Variants in LMBR1 observed in about 807,000 individuals in gnomAD.
The protein encoded by LMBR1 is limb development membrane protein 1, also known as limb region 1 protein homolog.
Under a neutral mutation model 73.9 loss-of-function variants are expected in LMBR1, and 52 were observed. The observed-to-expected ratio is 0.70, with a 90% CI of 0.56 to 0.89. The LOEUF (loss-of-function observed/expected upper bound fraction) is 0.89. Ranked by LOEUF, LMBR1 falls within the 40% of genes least tolerant of loss-of-function variation. LMBR1 has a pLI of 0.00. For synonymous variants in LMBR1, 215 were observed against 209.4 expected (o/e 1.03, Z -0.23); for missense variants, 539 against 579.8 (o/e 0.93, Z 0.72).
intron 1 of LMBR1, among the ~76,000 whole-genome samples, chr7:156,885,625 C>T (rs574301137): frequency 6.6e-6 from 1 of 152,182 alleles, no homozygotes; most frequent in African/African-American, 2.4e-5. Context: ...ACCTGTAATC[C>T]CAGCACTTTG....
At chr7:156,891,036 G>C (rs1057041629) in intron 1 of LMBR1, among the ~76,000 whole-genome samples, 1 of 151,184 alleles carries the variant, frequency 6.6e-6, no homozygotes, top group Admixed American at 6.6e-5. Context: ...AATAAAAATA[G>C]AAAAATTAGC....
chr7:156,892,384 C>G (rs1803185705), intron 1 of LMBR1: 1 of 152,130 alleles, frequency 6.6e-6, no homozygotes, highest in African/African-American at 2.4e-5. Context: ...ACGCGAGAGG[C>G]GGGCGGGCTC....
chr7:156,864,734 C>T (rs535477879), intron 1 of LMBR1, among the ~76,000 whole-genome samples: 123 of 152,114 alleles, frequency 8.1e-4, no homozygotes, highest in Non-Finnish European at 1.3e-3. Context: ...CAGTGGCTCA[C>T]GCCTGTAATC....
chr7:156,689,126 AG>A (rs1171488619), intron 15 of LMBR1, among the ~76,000 whole-genome samples: 1 of 152,216 alleles, frequency 6.6e-6, no homozygotes, highest in African/African-American at 2.4e-5. Flanking sequence ...GCACATGGCC[AG>A]GTCCAGTATT....
At chr7:156,716,640 T>C (rs1813273835) in intron 15 of LMBR1, among the ~76,000 whole-genome samples, 1 of 152,230 alleles carries the variant, frequency 6.6e-6, no homozygotes, top group Non-Finnish European at 1.5e-5. Context: ...TATGTCCTTA[T>C]TTCTTTTGGT....
intron 15 of LMBR1, among the ~76,000 whole-genome samples, chr7:156,698,844 C>T (rs1808955273): frequency 6.6e-6 from 1 of 152,238 alleles, no homozygotes; most frequent in Non-Finnish European, 1.5e-5. Context: ...ATTACTTATG[C>T]AAACTTCTGC....
At chr7:156,848,056 T>A in intron 1 of LMBR1, among the ~76,000 whole-genome samples, 1 of 151,018 alleles carries the variant, frequency 6.6e-6, no homozygotes. Context: ...AGAAGATCAT[T>A]CAACACTAAA....
chr7:156,740,599 A>G (rs1818703936), intron 9 of LMBR1, among the ~76,000 whole-genome samples: 1 of 152,212 alleles, frequency 6.6e-6, no homozygotes, highest in Non-Finnish European at 1.5e-5. Flanking sequence ...TGACATGTAT[A>G]AAGTGCTGAG....
At position 156,813,785 on chromosome 7, in the gene LMBR1, C is replaced by T. The variant is rs1585975292; in HGVS notation, c.319+12820G>A. ...ATAATGAAATAATTGCAAAGCCTCA[C>T]TTTGGTTAAGTTCCTTTACACTGTT... On this transcript the variant is annotated intron_variant, in intron 4 of 16. Transcript: ENST00000353442. Among the ~76,000 whole-genome samples the T allele has an allele frequency of 5.3e-5, 8 of 152,264 alleles. 1 individual carries two copies. The South Asian group carries it at 6.2e-4, about 12-fold the overall frequency.
At chr7:156,826,556 T>A in intron 4 of LMBR1, 49 bp downstream of exon 4, 5 of 1,194,506 alleles carry the variant, frequency 4.2e-6, no homozygotes, top group African/African-American at 1.6e-5. Flanking sequence ...TATGGTGCAG[T>A]AAAAAATTAA....
intron 5 of LMBR1, among the ~76,000 whole-genome samples, chr7:156,779,117 T>C (rs919487235): frequency 1.3e-5 from 2 of 152,212 alleles, no homozygotes; most frequent in African/African-American, 4.8e-5. Flanking sequence ...AGAACTTCTA[T>C]TTATTAATCA....
intron 4 of LMBR1, among the ~76,000 whole-genome samples, chr7:156,798,104 C>T (rs1197627689): frequency 6.6e-6 from 1 of 152,130 alleles, no homozygotes; most frequent in Non-Finnish European, 1.5e-5. Context: ...GAGTTCTAGG[C>T]AGACCTGGGT....
intron 4 of LMBR1, among the ~76,000 whole-genome samples, chr7:156,816,403 G>A (rs977418947): frequency 6.6e-6 from 1 of 152,006 alleles, no homozygotes. Flanking sequence ...ATGGGAGACG[G>A]GGTGAAGAAA....
chr7:156,816,261 A>AGT (rs1342819663), intron 4 of LMBR1, among the ~76,000 whole-genome samples: 1 of 151,582 alleles, frequency 6.6e-6, no homozygotes, highest in Non-Finnish European at 1.5e-5. Flanking sequence ...GCTGGAGTGC[A>AGT]GTGGTGCAAT....
At chr7:156,874,004 G>A (rs1217482098) in intron 1 of LMBR1, among the ~76,000 whole-genome samples, 2 of 152,386 alleles carry the variant, frequency 1.3e-5, no homozygotes, top group East Asian at 1.9e-4. Context: ...CCATGCGCTC[G>A]TACTCCTCAG....
chr7:156,742,058 A>G (rs551034863), intron 9 of LMBR1, among the ~76,000 whole-genome samples: 1 of 152,316 alleles, frequency 6.6e-6, no homozygotes, highest in East Asian at 1.9e-4. Context: ...TGGGTCAATG[A>G]AGAAATTAAG....
chr7:156,875,728 G>A (rs1189630178), intron 1 of LMBR1, among the ~76,000 whole-genome samples: 1 of 152,142 alleles, frequency 6.6e-6, no homozygotes, highest in Non-Finnish European at 1.5e-5. Context: ...CTTCATAAAT[G>A]AAGGAAAGAT....
chr7:156,728,788 T>C, intron 10 of LMBR1, 68 bp from the exon 11 acceptor site: 1 of 1,074,950 alleles, frequency 9.3e-7, no homozygotes, highest in Non-Finnish European at 1.4e-6. Context: ...CATAATGCTA[T>C]AATCTGTTTT....
At chr7:156,769,803 T>C (rs1824841252) in intron 5 of LMBR1, among the ~76,000 whole-genome samples, 1 of 152,172 alleles carries the variant, frequency 6.6e-6, no homozygotes, top group Non-Finnish European at 1.5e-5. Context: ...AATCCACTGT[T>C]TTCACAGCAC....
Sources: allele counts gnomAD v4.1 joint callset (sites outside exome capture counted in the v4.1 genomes callset), GRCh38; gene constraint gnomAD v4.1.1; transcripts MANE v1.5; gene names NCBI Gene and HGNC (gene_info 2026-07-23, HGNC 2026-07-21).